The following GLIS1 variants were observed in gnomAD, a reference collection of about 807,000 sequenced individuals.
GLIS1 encodes zinc finger protein GLIS1.
A neutral mutation model predicts 63.8 loss-of-function variants in GLIS1; 24 were observed. That is an observed-to-expected ratio of 0.38 (90% confidence interval 0.27 to 0.53). The LOEUF is 0.53. Ranked by LOEUF, GLIS1 falls within the 20% of genes least tolerant of loss-of-function variation. The pLI, the probability that GLIS1 is intolerant of heterozygous loss-of-function variation, is 0.85. For synonymous variants in GLIS1, 450 were observed against 482.5 expected, an observed-to-expected ratio of 0.93 and a Z score of 0.88; for missense variants, 1,036 against 1,074.1, an observed-to-expected ratio of 0.96 and a Z score of 0.50.
intron 2 of GLIS1, among the ~76,000 whole-genome samples, chr1:53,679,110 C>T (rs1282738728): frequency 6.6e-6 from 1 of 152,054 alleles, no homozygotes; most frequent in African/African-American, 2.4e-5. Flanking sequence ...GCGGGAAACA[C>T]GGGGGAGCAA....
intron 2 of GLIS1, among the ~76,000 whole-genome samples, chr1:53,625,655 A>G (rs1248359225): frequency 6.6e-6 from 1 of 152,178 alleles, no homozygotes; most frequent in Admixed American, 6.5e-5. Flanking sequence ...GTGAGCTCCT[A>G]TTGTGTCTGG....
intron 4 of GLIS1, among the ~76,000 whole-genome samples, chr1:53,573,035 G>C (rs1319789900): frequency 1.3e-5 from 2 of 152,202 alleles, no homozygotes; most frequent in African/African-American, 4.8e-5. Flanking sequence ...TTTCTTTGGA[G>C]AACCAGTCTT....
chr1:53,588,711 C>T (rs1221247142), intron 4 of GLIS1, among the ~76,000 whole-genome samples: 1 of 152,228 alleles, frequency 6.6e-6, no homozygotes, highest in East Asian at 1.9e-4. Context: ...ACAGGGACTC[C>T]ACCCACTGTG....
intron 9 of GLIS1, 37 bp from the exon 10 acceptor site, chr1:53,509,324 G>A (rs775613901): frequency 3.9e-6 from 6 of 1,520,514 alleles, no homozygotes; most frequent in South Asian, 2.5e-5. Flanking sequence ...GTTCACAAAG[G>A]AGAAGTGCCC....
chr1:53,682,645 G>T (rs1157096008), intron 2 of GLIS1, among the ~76,000 whole-genome samples: 1 of 152,230 alleles, frequency 6.6e-6, no homozygotes. Context: ...CAAGGGGCAG[G>T]CAAGGAGACA....
intron 2 of GLIS1, among the ~76,000 whole-genome samples, chr1:53,643,939 T>C (rs1645814991): frequency 6.6e-6 from 1 of 152,198 alleles, no homozygotes; most frequent in African/African-American, 2.4e-5. Context: ...ACTCTCTCTG[T>C]AATCCAGTGA....
intron 2 of GLIS1, among the ~76,000 whole-genome samples, chr1:53,660,069 T>C (rs911249035): frequency 2.6e-5 from 4 of 152,182 alleles, no homozygotes; most frequent in African/African-American, 9.6e-5. Context: ...GCTCAACAGT[T>C]CTTTGAGTCT....
intron 7 of GLIS1, among the ~76,000 whole-genome samples, chr1:53,517,414 T>C (rs1644363755): frequency 6.6e-6 from 1 of 152,202 alleles, no homozygotes; most frequent in African/African-American, 2.4e-5. Flanking sequence ...GGAGGGAGCC[T>C]GGCGAGGAGC....
At chr1:53,551,231 C>T (rs569149012) in intron 4 of GLIS1, among the ~76,000 whole-genome samples, 15 of 152,322 alleles carry the variant, frequency 9.8e-5, no homozygotes, top group South Asian at 2.1e-4. Context: ...GAAAACATCC[C>T]GCCACGGTGG....
intron 2 of GLIS1, among the ~76,000 whole-genome samples, chr1:53,668,223 A>G (rs557304124): frequency 7.9e-5 from 12 of 152,362 alleles, no homozygotes; most frequent in Non-Finnish European, 1.0e-4. Flanking sequence ...GCTTAGCAGC[A>G]TCAAGAGTCA....
At chr1:53,546,703 A>G (rs1440071083) in intron 4 of GLIS1, among the ~76,000 whole-genome samples, 2 of 152,366 alleles carry the variant, frequency 1.3e-5, no homozygotes, top group Non-Finnish European at 2.9e-5. Context: ...CTCTGCTGCT[A>G]TCATTCTCTT....
At chr1:53,532,459 C>T (rs1233060245) in intron 4 of GLIS1, among the ~76,000 whole-genome samples, 3 of 152,216 alleles carry the variant, frequency 2.0e-5, no homozygotes, top group Non-Finnish European at 4.4e-5. Flanking sequence ...GGGTCCAAGG[C>T]GAGCCACCCA....
chr1:53,625,327 G>C (rs942532800), intron 2 of GLIS1, among the ~76,000 whole-genome samples: 12 of 152,292 alleles, frequency 7.9e-5, no homozygotes, highest in Admixed American at 2.6e-4. Context: ...GATTTATTTG[G>C]GGGCTTTGAG....
chr1:53,544,144 G>T (rs1391129655), intron 4 of GLIS1, among the ~76,000 whole-genome samples: 1 of 152,212 alleles, frequency 6.6e-6, no homozygotes, highest in African/African-American at 2.4e-5. Context: ...TTTAGCTTTG[G>T]CTTCTAAAAT....
intron 2 of GLIS1, among the ~76,000 whole-genome samples, chr1:53,712,816 G>T (rs1043604186): frequency 6.6e-6 from 1 of 152,172 alleles, no homozygotes; most frequent in Non-Finnish European, 1.5e-5. Context: ...GCAGGGAAGA[G>T]CCATCATCGG....
chr1:53,616,332 T>A (rs972871414), intron 2 of GLIS1, among the ~76,000 whole-genome samples: 3 of 152,210 alleles, frequency 2.0e-5, no homozygotes, highest in Non-Finnish European at 4.4e-5. Context: ...TAAGAAAATG[T>A]ATCAGAGATA....
At chr1:53,610,572 T>A (rs976827541) in intron 2 of GLIS1, among the ~76,000 whole-genome samples, 2 of 152,228 alleles carry the variant, frequency 1.3e-5, no homozygotes, top group Non-Finnish European at 2.9e-5. Flanking sequence ...ATCTTCCCCC[T>A]CAACCCTGAC....
At chr1:53,593,828 C>A (rs923336618) in intron 4 of GLIS1, among the ~76,000 whole-genome samples, 1 of 152,232 alleles carries the variant, frequency 6.6e-6, no homozygotes, top group Non-Finnish European at 1.5e-5. Context: ...GTGCACACAG[C>A]CCCGGGCCCT....
intron 2 of GLIS1, among the ~76,000 whole-genome samples, chr1:53,673,010 G>T (rs901361335): frequency 2.6e-5 from 4 of 152,200 alleles, no homozygotes; most frequent in African/African-American, 9.6e-5. Flanking sequence ...GGTCGCTCCA[G>T]TGTCGGGTAC....
Sources: gnomAD v4.1 joint callset for allele counts (sites outside exome capture counted in the v4.1 genomes callset) on GRCh38, gnomAD v4.1.1 for gene constraint, MANE v1.5 for transcripts, NCBI Gene and HGNC (gene_info 2026-07-23, HGNC 2026-07-21) for gene names.